The following GALNT13 variants were observed in gnomAD, a reference collection of about 807,000 sequenced individuals.
GALNT13 encodes UDP-GalNAc:polypeptide N-acetylgalactosaminyltransferase 13.
Under a neutral mutation model 64.2 loss-of-function variants are expected in GALNT13, and 28 were observed. The observed-to-expected ratio is 0.44, with a 90% confidence interval of 0.32 to 0.60. The LOEUF (loss-of-function observed/expected upper bound fraction) is 0.60. Among genes scored for constraint, GALNT13 ranks in the 20% least tolerant of loss-of-function variants. GALNT13 has a pLI of 0.05. For synonymous variants in GALNT13, 214 were observed against 224.6 expected, an observed-to-expected ratio of 0.95 and a Z score of 0.42; for missense variants, 577 against 669.8, an observed-to-expected ratio of 0.86 and a Z score of 1.53.
the GALNT13 span, among the ~76,000 whole-genome samples, chr2:153,410,347 G>T: frequency 2.0e-5 from 3 of 152,000 alleles, no homozygotes; most frequent in Admixed American, 1.3e-4. Context: ...CCTCCTGCCT[G>T]TGCTTCCCAA....
chr2:153,861,793 C>G, the GALNT13 span, among the ~76,000 whole-genome samples: 3 of 152,082 alleles, frequency 2.0e-5, no homozygotes, highest in Non-Finnish European at 4.4e-5. Context: ...CCAGGTTGGT[C>G]ATGAACTCCA....
chr2:154,015,390 A>G (rs1394561567), intron 3 of GALNT13, among the ~76,000 whole-genome samples: 2 of 152,224 alleles, frequency 1.3e-5, no homozygotes, highest in Non-Finnish European at 2.9e-5. Flanking sequence ...GAACTTAGAA[A>G]ATCTCTGTGC....
chr2:154,394,628 A>G (rs1698971739), intron 9 of GALNT13, among the ~76,000 whole-genome samples: 1 of 152,232 alleles, frequency 6.6e-6, no homozygotes, highest in Non-Finnish European at 1.5e-5. Flanking sequence ...TACTTAACAT[A>G]ATGAGAAATT....
At chr2:153,248,406 A>T in the GALNT13 span, among the ~76,000 whole-genome samples, 2 of 152,244 alleles carry the variant, frequency 1.3e-5, no homozygotes, top group Non-Finnish European at 2.9e-5. Context: ...GGCTGGTTCA[A>T]CATACACAAA....
chr2:154,277,508 C>T (rs1397643731), intron 8 of GALNT13, among the ~76,000 whole-genome samples: 2 of 151,988 alleles, frequency 1.3e-5, no homozygotes, highest in African/African-American at 4.8e-5. Flanking sequence ...TACTGTTGTT[C>T]TAGTCAACCA....
At chr2:153,927,119 G>A (rs1690199328) in intron 2 of GALNT13, among the ~76,000 whole-genome samples, 1 of 152,004 alleles carries the variant, frequency 6.6e-6, no homozygotes, top group African/African-American at 2.4e-5. Context: ...CAAAGTATAT[G>A]ATAATTTTTA....
intron 3 of GALNT13, among the ~76,000 whole-genome samples, chr2:153,989,334 C>A (rs1260693371): frequency 6.6e-6 from 1 of 151,790 alleles, no homozygotes; most frequent in African/African-American, 2.4e-5. Context: ...GAAAAGGCCA[C>A]ATCCTTTAAG....
intron 2 of GALNT13, among the ~76,000 whole-genome samples, chr2:153,921,164 C>T (rs1165125679): frequency 6.6e-6 from 1 of 152,088 alleles, no homozygotes; most frequent in Non-Finnish European, 1.5e-5. Context: ...ACCATAAAGA[C>T]ACATGGACGT....
At chr2:153,682,163 C>A in the GALNT13 span, among the ~76,000 whole-genome samples, 1 of 151,670 alleles carries the variant, frequency 6.6e-6, no homozygotes, top group Admixed American at 6.6e-5. Context: ...CCCATAGATG[C>A]CCCATAAATT....
At chr2:153,311,653 C>T in the GALNT13 span, among the ~76,000 whole-genome samples, 96 of 152,314 alleles carry the variant, frequency 6.3e-4, no homozygotes, top group African/African-American at 2.3e-3. Flanking sequence ...TCAAGACTCA[C>T]TCATAGCCGC....
chr2:153,916,071 C>G (rs1440860661), intron 2 of GALNT13, among the ~76,000 whole-genome samples: 2 of 151,806 alleles, frequency 1.3e-5, no homozygotes, highest in Non-Finnish European at 2.9e-5. Context: ...GTGATCTGAT[C>G]TTTTCTTTTC....
chr2:153,373,245 A>C, the GALNT13 span, among the ~76,000 whole-genome samples: 63 of 152,286 alleles, frequency 4.1e-4, 1 homozygote, highest in African/African-American at 1.4e-3. Context: ...AACAGAAAAG[A>C]AAGTTGGGCC....
chr2:153,283,592 TGGAGAGG>T, the GALNT13 span, among the ~76,000 whole-genome samples: 10 of 151,578 alleles, frequency 6.6e-5, no homozygotes, highest in African/African-American at 2.4e-4. Context: ...GGGCATGGAG[TGGAGAGG>T]GCCCCACTTC....
At chr2:153,202,862 TTC>T in the GALNT13 span, among the ~76,000 whole-genome samples, 1 of 152,338 alleles carries the variant, frequency 6.6e-6, no homozygotes, top group African/African-American at 2.4e-5. Flanking sequence ...TTATTGAGAC[TTC>T]TCTTTAATAA....
chr2:153,186,048 G>T, the GALNT13 span, among the ~76,000 whole-genome samples: 1 of 151,960 alleles, frequency 6.6e-6, no homozygotes, highest in Non-Finnish European at 1.5e-5. Context: ...GTCTAGTATT[G>T]CCAGTGGGGT....
At chr2:153,736,290 C>A in the GALNT13 span, among the ~76,000 whole-genome samples, 74 of 152,226 alleles carry the variant, frequency 4.9e-4, 2 homozygotes, top group Non-Finnish European at 4.7e-4. Flanking sequence ...TTTTGATGTC[C>A]AAATTATCTC....
At chr2:153,776,171 A>C in the GALNT13 span, among the ~76,000 whole-genome samples, 1 of 152,342 alleles carries the variant, frequency 6.6e-6, no homozygotes, top group East Asian at 1.9e-4. Flanking sequence ...AAATCAAAAA[A>C]CAAATAATGA....
the GALNT13 span, among the ~76,000 whole-genome samples, chr2:153,535,289 T>C: frequency 6.6e-6 from 1 of 152,148 alleles, no homozygotes; most frequent in African/African-American, 2.4e-5. Context: ...TTGGGACAAC[T>C]CAGGATATCT....
At chr2:153,827,465 T>C in the GALNT13 span, among the ~76,000 whole-genome samples, 4 of 151,688 alleles carry the variant, frequency 2.6e-5, no homozygotes, top group Admixed American at 2.0e-4. Context: ...CTACTACAAA[T>C]ACAAAAAAAA....
Sources: gnomAD v4.1 joint callset for allele counts (sites outside exome capture counted in the v4.1 genomes callset) on GRCh38, gnomAD v4.1.1 for gene constraint, MANE v1.5 for transcripts, NCBI Gene and HGNC (gene_info 2026-07-23, HGNC 2026-07-21) for gene names.